Variants in KANSL3 observed in about 807,000 individuals in gnomAD.
The protein encoded by KANSL3 is NSL complex protein NSL3.
In KANSL3, 16 loss-of-function variants were observed where a neutral mutation model predicts 89.2. That is an observed-to-expected ratio of 0.18 (90% CI 0.12 to 0.27). The LOEUF (loss-of-function observed/expected upper bound fraction) is 0.27, where lower values mean the gene tolerates loss of function less well. KANSL3 is among the 10% of genes least tolerant of loss of function. The probability of loss-of-function intolerance (pLI) is 1.00; values close to 1 mark genes in which losing one functional copy is unlikely to be tolerated. For synonymous variants in KANSL3, 385 were observed against 419.7 expected (o/e 0.92, Z 1.01); for missense variants, 879 against 1,110.6 (o/e 0.79, Z 2.96).
intron 3 of KANSL3, among the ~76,000 whole-genome samples, chr2:96,621,104 C>A (rs2071179799): frequency 6.6e-6 from 1 of 152,180 alleles, no homozygotes; most frequent in Non-Finnish European, 1.5e-5. Flanking sequence ...GATAAAGTCC[C>A]TAAATGTAGG....
chr2:96,629,362 G>A (rs1375856293), intron 3 of KANSL3, among the ~76,000 whole-genome samples: 1 of 151,976 alleles, frequency 6.6e-6, no homozygotes, highest in African/African-American at 2.4e-5. Context: ...CACTCTTGGT[G>A]CCCAGACTGG....
rs149395369 is a variant in KANSL3, at chr2:96,595,265, C to T, written c.*346G>A. The T allele has an allele frequency of 1.1e-4, 25 of 218,550 alleles. No homozygotes were observed. In the East Asian group the frequency reaches 2.5e-3, roughly 22 times the overall value. 13.5% of individuals were successfully genotyped at this position (218,550 alleles called of 1,614,324 possible). ...GGTAGCACAGACTTCCAAAAGGAAA[C>T]ACCTTCATTAAATGCAGCAGGCAGT... On this transcript the variant is annotated 3_prime_UTR_variant, in exon 21 of 21. Coordinates refer to ENST00000431828, the MANE Select transcript of KANSL3 (RefSeq NM_001115016.3).
At chr2:96,590,723 C>T (rs1023724179), downstream of KANSL3, among the ~76,000 whole-genome samples, 1 of 152,106 alleles carries the variant, frequency 6.6e-6, no homozygotes, top group Non-Finnish European at 1.5e-5. Flanking sequence ...GTGGCTCACA[C>T]CTGTAATCCC....
intron 20 of KANSL3, chr2:96,601,379 C>CAA (rs2067160220): frequency 2.0e-6 from 2 of 985,300 alleles, no homozygotes; most frequent in Non-Finnish European, 2.4e-6. Flanking sequence ...GAAAAGTAAA[C>CAA]AAAAACATTA....
At chr2:96,636,889 G>A (rs1310657806) in intron 2 of KANSL3, 32 bp downstream of exon 2, 5 of 1,469,886 alleles carry the variant, frequency 3.4e-6, no homozygotes, top group East Asian at 2.5e-5. Flanking sequence ...GCCCAGTGAG[G>A]TTACCAGCAG....
At chr2:96,637,947 G>C (rs906538778) in intron 1 of KANSL3, 2 of 152,262 alleles carry the variant, frequency 1.3e-5, no homozygotes, top group Non-Finnish European at 2.9e-5. Flanking sequence ...GCTATGACTC[G>C]CATTTTACAG....
At chr2:96,601,363 C>T (rs958730094) in intron 20 of KANSL3, 13 of 985,144 alleles carry the variant, frequency 1.3e-5, no homozygotes, top group South Asian at 4.7e-5. Context: ...AAAAATGAAA[C>T]GAAAGGAAAA....
chr2:96,582,787 A>G, the KANSL3 span, among the ~76,000 whole-genome samples: 1 of 152,252 alleles, frequency 6.6e-6, no homozygotes, highest in Non-Finnish European at 1.5e-5. Context: ...GCTGAAAAAT[A>G]CTGATTATTC....
chr2:96,584,654 A>G, the KANSL3 span, among the ~76,000 whole-genome samples: 6 of 152,310 alleles, frequency 3.9e-5, no homozygotes, highest in Middle Eastern at 3.4e-3. Flanking sequence ...GACTTACTTC[A>G]CTTAACATGT....
intron 3 of KANSL3, chr2:96,627,788 A>G: frequency 1.8e-6 from 1 of 558,660 alleles, no homozygotes; most frequent in South Asian, 1.7e-5. Context: ...GATGATTATA[A>G]TCAGAGCAGA....
At chr2:96,591,276 C>T (rs1467336970), downstream of KANSL3, among the ~76,000 whole-genome samples, 1 of 152,154 alleles carries the variant, frequency 6.6e-6, no homozygotes, top group Non-Finnish European at 1.5e-5. Flanking sequence ...TCTATTTATA[C>T]ATCAACCTAT....
At chr2:96,615,948 T>C (rs1262700657) in intron 5 of KANSL3, among the ~76,000 whole-genome samples, 1 of 152,070 alleles carries the variant, frequency 6.6e-6, no homozygotes, top group Admixed American at 6.6e-5. Flanking sequence ...AACCACCCAA[T>C]GGAGAAGAAG....
chr2:96,581,516 G>C, the KANSL3 span, among the ~76,000 whole-genome samples: 16 of 151,766 alleles, frequency 1.1e-4, no homozygotes, highest in Non-Finnish European at 1.8e-4. Context: ...ACTATTATAA[G>C]CTTCTTAAAT....
chr2:96,634,734 C>T (rs1203172008), intron 2 of KANSL3, among the ~76,000 whole-genome samples: 1 of 152,200 alleles, frequency 6.6e-6, no homozygotes, highest in Non-Finnish European at 1.5e-5. Flanking sequence ...GAAATGAAAT[C>T]ATGTGCAGCT....
rs201331055 is a variant in KANSL3, at chr2:96,602,739, T to C, written c.2259+14A>G. 3.0e-4 allele frequency: 476 copies of C among 1,575,036 alleles called. 11 individuals carry two copies. The East Asian group carries it at 6.0e-3, about 20-fold the overall frequency. ...CCCTACACCTGCCCAGCCCAGCAGA[T>C]GGCAGATGTGCACCTGTGGGGCTGG... On this transcript the variant is annotated intron_variant, in intron 18 of 20. Coordinates refer to ENST00000431828, the MANE Select transcript of KANSL3 (RefSeq NM_001115016.3).
chr2:96,606,985 A>C (rs779221603), intron 14 of KANSL3: 3 of 1,289,216 alleles, frequency 2.3e-6, no homozygotes, highest in Non-Finnish European at 3.0e-6. Context: ...AGACAGGAGG[A>C]GGTGCCAGGA....
intron 2 of KANSL3, among the ~76,000 whole-genome samples, chr2:96,634,470 T>G (rs1459538506): frequency 6.6e-6 from 1 of 151,224 alleles, no homozygotes; most frequent in Non-Finnish European, 1.5e-5. Flanking sequence ...GAGCCAAGAT[T>G]GCGCCATTGC....
downstream of KANSL3, among the ~76,000 whole-genome samples, chr2:96,591,928 T>G (rs923458923): frequency 1.3e-5 from 2 of 152,206 alleles, no homozygotes; most frequent in Non-Finnish European, 2.9e-5. Context: ...CAGAGCTATT[T>G]TGGTGGTGAA....
chr2:96,605,263 C>T (rs1247682759), intron 15 of KANSL3, 57 bp downstream of exon 15: 3 of 1,452,620 alleles, frequency 2.1e-6, no homozygotes, highest in South Asian at 1.3e-5. Flanking sequence ...CACCAAAGGG[C>T]AATGCTGTGT....
Sources: allele counts gnomAD v4.1 joint callset (sites outside exome capture counted in the v4.1 genomes callset), GRCh38; gene constraint gnomAD v4.1.1; transcripts MANE v1.5; gene names NCBI Gene and HGNC (gene_info 2026-07-23, HGNC 2026-07-21).